Variants in PHC2 observed in about 807,000 individuals in gnomAD.
PHC2 encodes polyhomeotic-like protein 2.
PHC2 carries 29 observed loss-of-function variants against 87.4 expected under a neutral mutation model. That is an observed-to-expected ratio of 0.33 (90% CI 0.25 to 0.45). PHC2 has a LOEUF of 0.45. Among genes scored for constraint, PHC2 ranks in the 20% least tolerant of loss-of-function variants. The pLI is 1.00. For synonymous variants in PHC2, 438 were observed against 461.7 expected (o/e 0.95, Z 0.66); for missense variants, 857 against 1,136.7 (o/e 0.75, Z 3.54).
rs1265238087 is a variant in PHC2, at chr1:33,332,471, A to G, written c.1762-67T>C. 2 of 1,581,848 alleles carry G rather than the reference A, an allele frequency of 1.3e-6. No individual in the cohort carries two copies. The highest frequency in any genetic ancestry group is 2.7e-5 in the African/African-American group (2 of 74,258). ...AGCGGCTTCCTTGCTATCCATCCTC[A>G]TCACAATTACACGTATAAAGTATCC... On this transcript the variant is annotated intron_variant, in intron 10 of 14. Coordinates refer to ENST00000683057, the MANE Select transcript of PHC2 (RefSeq NM_001385109.1). This position sits in a 1 kb window ranked among gnomAD's most constrained non-coding sequence, Gnocchi z 4.2.
chr1:33,405,684 C>T (rs10798947), intron 1 of PHC2, among the ~76,000 whole-genome samples: 29,227 of 152,064 alleles, frequency 0.19, 2,934 homozygotes, highest in South Asian at 0.25. Context: ...CTAAGCTCAG[C>T]TTTATTTACT....
intron 9 of PHC2, among the ~76,000 whole-genome samples, chr1:33,335,695 T>C (rs947577931): frequency 6.6e-6 from 1 of 151,956 alleles, no homozygotes; most frequent in Non-Finnish European, 1.5e-5. Context: ...AGGTCAAGAG[T>C]TGAAGACCAG....
At chr1:33,345,041 A>G (rs1468393052) in intron 9 of PHC2, 1 of 152,216 alleles carries the variant, frequency 6.6e-6, no homozygotes, top group Non-Finnish European at 1.5e-5. Context: ...GATACCAGTA[A>G]CTAGGGATAA....
intron 1 of PHC2, among the ~76,000 whole-genome samples, chr1:33,392,319 T>C (rs1290356601): frequency 6.6e-6 from 1 of 152,190 alleles, no homozygotes; most frequent in Non-Finnish European, 1.5e-5. Flanking sequence ...AGTTCTAAAC[T>C]TCAGTTTATG....
chr1:33,340,126 G>A (rs1373264331), intron 9 of PHC2, among the ~76,000 whole-genome samples: 1 of 152,188 alleles, frequency 6.6e-6, no homozygotes, highest in African/African-American at 2.4e-5. Context: ...ATCATGAGAA[G>A]GGAGTATGTA....
intron 10 of PHC2, chr1:33,333,300 C>G (rs537533819): frequency 2.6e-5 from 4 of 152,400 alleles, no homozygotes; most frequent in African/African-American, 9.6e-5. Context: ...GCAGACTAAT[C>G]AAACCACTCA....
chr1:33,347,848 T>C (rs1326613867), intron 9 of PHC2: 2 of 502,466 alleles, frequency 4.0e-6, no homozygotes, highest in East Asian at 1.5e-4. Context: ...AAGCCCGCCC[T>C]TGTGAGTGAG....
chr1:33,389,250 C>T (rs1263597850), intron 1 of PHC2, among the ~76,000 whole-genome samples: 1 of 152,164 alleles, frequency 6.6e-6, no homozygotes, highest in East Asian at 1.9e-4. Context: ...CCACGCAACT[C>T]CAAGCTCTGT....
chr1:33,347,027 G>A, intron 9 of PHC2: 2 of 985,362 alleles, frequency 2.0e-6, no homozygotes, highest in Non-Finnish European at 2.4e-6. Context: ...CTCTTAACAT[G>A]CCCTCTCCCC....
chr1:33,379,767 T>C (rs1435794465), intron 1 of PHC2, among the ~76,000 whole-genome samples: 1 of 151,652 alleles, frequency 6.6e-6, no homozygotes, highest in African/African-American at 2.4e-5. Flanking sequence ...CCCGCTGTGA[T>C]TGATCCAGAC....
intron 9 of PHC2, chr1:33,346,800 G>A: frequency 3.0e-6 from 3 of 985,312 alleles, no homozygotes; most frequent in South Asian, 9.4e-5. Flanking sequence ...AGAGTTTAAG[G>A]CAGTGAGGTC....
At chr1:33,356,251 A>ATATATATATATATATATATACATG (rs1647070743) in intron 7 of PHC2, among the ~76,000 whole-genome samples, 1 of 39,816 alleles carries the variant, frequency 2.5e-5, no homozygotes. Flanking sequence ...GAAAATTCTT[A>ATATATATATATATATATATACATG]TATATATATA....
chr1:33,325,923 T>C (rs1195285510), intron 14 of PHC2: 4 of 456,474 alleles, frequency 8.8e-6, no homozygotes, highest in Non-Finnish European at 1.8e-5. Context: ...AGACTGTATA[T>C]AGAAGTCTCA....
At chr1:33,333,801 C>T (rs980177960) in intron 10 of PHC2, 2 of 371,954 alleles carry the variant, frequency 5.4e-6, no homozygotes, top group African/African-American at 4.3e-5. Context: ...ACAGTGAACT[C>T]CCTTTTAACC....
intron 9 of PHC2, chr1:33,335,182 G>C (rs982761889): frequency 8.1e-6 from 8 of 985,040 alleles, no homozygotes; most frequent in Non-Finnish European, 9.6e-6. Flanking sequence ...ACAACCACAC[G>C]ACAGTGAACT....
intron 9 of PHC2, among the ~76,000 whole-genome samples, chr1:33,340,257 C>G (rs1646718119): frequency 6.6e-6 from 1 of 152,174 alleles, no homozygotes; most frequent in Admixed American, 6.5e-5. Context: ...TTTCTTACAA[C>G]AAATTCTGCT....
chr1:33,410,179 T>C (rs989159534), intron 1 of PHC2, among the ~76,000 whole-genome samples: 11 of 152,228 alleles, frequency 7.2e-5, no homozygotes, highest in Non-Finnish European at 1.6e-4. Flanking sequence ...TTTGTATTAA[T>C]CCCTGTGGGA....
chr1:33,376,128 G>A lies in PHC2; in HGVS notation c.-54-535C>T, dbSNP rs538687267. Among the ~76,000 whole-genome samples the A allele has an allele frequency of 4.6e-5, 7 of 152,276 alleles. No homozygotes were observed. The South Asian group carries it at 1.4e-3, about 32-fold the overall frequency. On this transcript the variant is annotated intron_variant, in intron 1 of 14. Coordinates refer to ENST00000683057, the MANE Select transcript of PHC2 (RefSeq NM_001385109.1). ...CGGCTCACTGCAATCTCCATCTCCC[G>A]GGTTCAAGCGATTCTCGTGCCTCAG...
At chr1:33,341,160 C>T (rs1366041655) in intron 9 of PHC2, among the ~76,000 whole-genome samples, 2 of 152,198 alleles carry the variant, frequency 1.3e-5, no homozygotes, top group African/African-American at 4.8e-5. Flanking sequence ...AAATGGGGTA[C>T]TTATATCTGT....
Sources: gnomAD v4.1 joint callset for allele counts (sites outside exome capture counted in the v4.1 genomes callset) on GRCh38, gnomAD v4.1.1 for gene constraint, Gnocchi (gnomAD v3.1) non-coding constraint, MANE v1.5 for transcripts, NCBI Gene and HGNC (gene_info 2026-07-23, HGNC 2026-07-21) for gene names.